Variants in PTPRM observed in about 807,000 individuals in gnomAD.
The protein encoded by PTPRM is protein tyrosine phosphatase receptor type M, also known as receptor-type tyrosine-protein phosphatase mu.
A neutral mutation model predicts 186.7 loss-of-function variants in PTPRM; 47 were observed. The observed-to-expected ratio is 0.25, with a 90% CI of 0.20 to 0.32. The LOEUF (loss-of-function observed/expected upper bound fraction) is 0.32, where lower values mean the gene tolerates loss of function less well. Ranked by LOEUF, PTPRM falls within the 10% of genes least tolerant of loss-of-function variation. PTPRM has a pLI of 1.00. For missense variants in PTPRM, 1,494 were observed against 1,865.0 expected (o/e 0.80, Z 3.66); for synonymous variants, 668 against 674.9 (o/e 0.99, Z 0.16).
intron 22 of PTPRM, among the ~76,000 whole-genome samples, chr18:8,339,880 C>T (rs917597038): frequency 2.0e-5 from 3 of 151,962 alleles, no homozygotes; most frequent in African/African-American, 7.3e-5. Flanking sequence ...TACTTGAGAT[C>T]TTGGGAAATG....
At chr18:8,384,167 G>A (rs1481751213) in intron 29 of PTPRM, among the ~76,000 whole-genome samples, 1 of 152,198 alleles carries the variant, frequency 6.6e-6, no homozygotes, top group Non-Finnish European at 1.5e-5. Flanking sequence ...CAGAATTCCT[G>A]AATGATGTCT....
At chr18:8,172,674 A>G (rs2093420737) in intron 14 of PTPRM, among the ~76,000 whole-genome samples, 1 of 150,496 alleles carries the variant, frequency 6.6e-6, no homozygotes, top group African/African-American at 2.5e-5. Context: ...GTTCTTAACC[A>G]TAGAATGTTA....
chr18:8,315,845 T>G (rs1351256881), intron 21 of PTPRM, among the ~76,000 whole-genome samples: 1 of 152,234 alleles, frequency 6.6e-6, no homozygotes, highest in Non-Finnish European at 1.5e-5. Context: ...TATAGATTTT[T>G]GGGTAGGGAC....
intron 11 of PTPRM, among the ~76,000 whole-genome samples, chr18:8,109,881 C>G (rs901779193): frequency 6.6e-6 from 1 of 152,140 alleles, no homozygotes; most frequent in African/African-American, 2.4e-5. Flanking sequence ...CCCTTAGGTT[C>G]ATTATTTAAT....
intron 20 of PTPRM, among the ~76,000 whole-genome samples, chr18:8,299,439 TA>T (rs1482505140): frequency 4.6e-5 from 7 of 151,924 alleles, no homozygotes; most frequent in Non-Finnish European, 1.0e-4. Context: ...AGACAAAAAT[TA>T]GCTGGGCATG....
intron 2 of PTPRM, among the ~76,000 whole-genome samples, chr18:7,824,771 A>C (rs892767497): frequency 6.6e-6 from 1 of 152,188 alleles, no homozygotes; most frequent in African/African-American, 2.4e-5. Context: ...GAAAGCCCTC[A>C]TCATCCCAGC....
intron 14 of PTPRM, among the ~76,000 whole-genome samples, chr18:8,180,163 A>G (rs1271281045): frequency 6.6e-6 from 1 of 152,216 alleles, no homozygotes; most frequent in Non-Finnish European, 1.5e-5. Context: ...GAGGTTGAAC[A>G]CCTGCAGCCA....
chr18:7,718,766 C>T (rs1040086687), intron 1 of PTPRM, among the ~76,000 whole-genome samples: 7 of 152,158 alleles, frequency 4.6e-5, no homozygotes, highest in African/African-American at 1.4e-4. Context: ...ATAGATGATT[C>T]TTAAAAGAAG....
intron 6 of PTPRM, among the ~76,000 whole-genome samples, chr18:7,950,091 G>A (rs1011545340): frequency 6.6e-6 from 1 of 152,164 alleles, no homozygotes; most frequent in African/African-American, 2.4e-5. Context: ...AATGAGGACT[G>A]CTTTAAGAAA....
At chr18:8,297,994 A>C (rs145516377) in intron 20 of PTPRM, among the ~76,000 whole-genome samples, 7 of 152,292 alleles carry the variant, frequency 4.6e-5, no homozygotes, top group African/African-American at 1.7e-4. Flanking sequence ...CATTCTTGAT[A>C]CTGGACACTG....
At chr18:8,056,362 C>A (rs139217581) in intron 7 of PTPRM, among the ~76,000 whole-genome samples, 1 of 152,306 alleles carries the variant, frequency 6.6e-6, no homozygotes, top group African/African-American at 2.4e-5. Context: ...GTTGCAGTGG[C>A]TCATGCCTGT....
chr18:7,973,321 A>G (rs575937926), intron 7 of PTPRM, among the ~76,000 whole-genome samples: 2 of 152,212 alleles, frequency 1.3e-5, no homozygotes, highest in South Asian at 2.1e-4. Context: ...ATTACTTTCT[A>G]CAAGGCTCTA....
At chr18:8,285,178 T>C (rs2094942871) in intron 19 of PTPRM, among the ~76,000 whole-genome samples, 1 of 152,238 alleles carries the variant, frequency 6.6e-6, no homozygotes, top group Non-Finnish European at 1.5e-5. Flanking sequence ...CATGGTTTTT[T>C]CCACTGACAT....
chr18:8,024,021 C>T (rs1006299594), intron 7 of PTPRM, among the ~76,000 whole-genome samples: 5 of 152,066 alleles, frequency 3.3e-5, no homozygotes, highest in African/African-American at 1.2e-4. Flanking sequence ...TTTTTATGGG[C>T]TACATGTATG....
intron 2 of PTPRM, among the ~76,000 whole-genome samples, chr18:7,876,722 C>T (rs983912078): frequency 1.3e-5 from 2 of 152,178 alleles, no homozygotes; most frequent in Non-Finnish European, 2.9e-5. Context: ...TTATTTAGCT[C>T]TGCTATCTTA....
intron 14 of PTPRM, among the ~76,000 whole-genome samples, chr18:8,186,670 A>T (rs920308378): frequency 6.6e-6 from 1 of 151,926 alleles, no homozygotes; most frequent in African/African-American, 2.4e-5. Flanking sequence ...AGGCTGAGAG[A>T]CTCCACCATG....
chr18:8,270,449 C>T (rs1456887629), intron 19 of PTPRM: 1 of 152,058 alleles, frequency 6.6e-6, no homozygotes, highest in African/African-American at 2.4e-5. Flanking sequence ...AGGAACTCTT[C>T]TGCATTGTTG....
intron 1 of PTPRM, among the ~76,000 whole-genome samples, chr18:7,651,249 G>A (rs2038696072): frequency 6.6e-6 from 1 of 152,070 alleles, no homozygotes; most frequent in Admixed American, 6.6e-5. Context: ...CATGTGACCA[G>A]GCTTCACAAT....
intron 2 of PTPRM, among the ~76,000 whole-genome samples, chr18:7,786,716 T>C (rs1324663564): frequency 6.6e-6 from 1 of 152,230 alleles, no homozygotes; most frequent in African/African-American, 2.4e-5. Flanking sequence ...TCCCTAATTG[T>C]ACTCTGTAAA....
Sources: allele counts gnomAD v4.1 joint callset (sites outside exome capture counted in the v4.1 genomes callset), GRCh38; gene constraint gnomAD v4.1.1; transcripts MANE v1.5; gene names NCBI Gene and HGNC (gene_info 2026-07-23, HGNC 2026-07-21).